CDH20: variants seen among roughly 807,000 people sequenced by gnomAD.
CDH20 encodes cadherin-20.
Under a neutral mutation model 74.2 loss-of-function variants are expected in CDH20, and 29 were observed. The ratio of observed to expected loss-of-function variants is 0.39; its 90% confidence interval spans 0.29 to 0.53. The LOEUF (loss-of-function observed/expected upper bound fraction) is 0.53. Ranked by LOEUF, CDH20 falls within the 20% of genes least tolerant of loss-of-function variation. The pLI is 0.69. For synonymous variants in CDH20, 469 were observed against 405.4 expected (o/e 1.16, Z -1.88); for missense variants, 988 against 1,048.3 (o/e 0.94, Z 0.79).
Position 61,554,568 on chromosome 18 carries a change from T to C in CDH20, c.2279T>C (p.Leu760Pro), listed in dbSNP as rs1286045999. 2 of 1,609,512 alleles carry C rather than the reference T, an allele frequency of 1.2e-6. No homozygotes were observed. Among genetic ancestry groups the C allele is most frequent in the African/African-American group, 1.3e-5 (1 of 75,004 alleles). The change falls in exon 12 of 12, where the codon CTG becomes CCG. Residue 760 changes from leucine to proline, a missense_variant. Physicochemically the swap from Leu to Pro is moderately conservative, Grantham distance 98. Around this residue, in one of 2 missense-constraint regions of CDH20, gnomAD observed 375 missense variants for 293.1 expected, o/e 1.28. Coordinates refer to ENST00000262717, the MANE Select transcript of CDH20 (RefSeq NM_031891.4). ...GGGGACGGCTCTGTGGCGGGGTCGCTGAGCTCCCTGCAGTCGGCCACGTCG... is the reference window on the plus strand; with the variant it reads ...GGGGACGGCTCTGTGGCGGGGTCGCCGAGCTCCCTGCAGTCGGCCACGTCG... ...FEGDGSVAGS[L>P]SSLQSATSDS...
chr18:61,348,893 G>A (rs1042439021), intron 1 of CDH20, among the ~76,000 whole-genome samples: 1 of 152,130 alleles, frequency 6.6e-6, no homozygotes, highest in African/African-American at 2.4e-5. Flanking sequence ...GTGTAGCTTT[G>A]TGGGGCAGTA....
chr18:61,437,806 T>C (rs1159951461), intron 1 of CDH20, among the ~76,000 whole-genome samples: 1 of 152,172 alleles, frequency 6.6e-6, no homozygotes, highest in Non-Finnish European at 1.5e-5. Context: ...TATGATTCCA[T>C]AAAACTATTC....
At chr18:61,397,946 G>A (rs1320279553) in intron 1 of CDH20, among the ~76,000 whole-genome samples, 1 of 152,198 alleles carries the variant, frequency 6.6e-6, no homozygotes, top group African/African-American at 2.4e-5. Context: ...TTTGTTGAAT[G>A]TAGGAATTCA....
chr18:61,466,925 C>G (rs1179644148), intron 1 of CDH20, among the ~76,000 whole-genome samples: 1 of 152,176 alleles, frequency 6.6e-6, no homozygotes, highest in Non-Finnish European at 1.5e-5. Context: ...AGCGCCCCAG[C>G]CATCCTTGCA....
At chr18:61,395,448 C>T (rs917562279) in intron 1 of CDH20, among the ~76,000 whole-genome samples, 4 of 152,100 alleles carry the variant, frequency 2.6e-5, no homozygotes, top group Non-Finnish European at 1.5e-5. Context: ...TCTTCTTGGT[C>T]GATGCCTTCC....
chr18:61,516,770 G>A (rs1311819827), intron 6 of CDH20, among the ~76,000 whole-genome samples: 2 of 152,150 alleles, frequency 1.3e-5, no homozygotes, highest in African/African-American at 4.8e-5. Context: ...AGTGGTTGCA[G>A]CTTCTTAGGA....
At chr18:61,524,238 T>C (rs1912308952) in intron 6 of CDH20, among the ~76,000 whole-genome samples, 2 of 152,050 alleles carry the variant, frequency 1.3e-5, no homozygotes, top group Non-Finnish European at 2.9e-5. Flanking sequence ...CAATCAGAAC[T>C]ACAATGAGAT....
chr18:61,418,336 C>T (rs1912760611), intron 1 of CDH20, among the ~76,000 whole-genome samples: 1 of 152,046 alleles, frequency 6.6e-6, no homozygotes, highest in Non-Finnish European at 1.5e-5. Flanking sequence ...GGGTGGATCA[C>T]AAGGTCAGGA....
intron 1 of CDH20, among the ~76,000 whole-genome samples, chr18:61,458,229 T>C (rs1222863379): frequency 6.6e-6 from 1 of 152,204 alleles, no homozygotes; most frequent in Non-Finnish European, 1.5e-5. Flanking sequence ...TGAAACATTC[T>C]GTAGTATTTA....
chr18:61,343,847 A>AAGCATATTTTATCCCT (rs1910032125), intron 1 of CDH20, among the ~76,000 whole-genome samples: 1 of 152,148 alleles, frequency 6.6e-6, no homozygotes, highest in African/African-American at 2.4e-5. Flanking sequence ...ATTTTATCCC[A>AAGCATATTTTATCCCT]AGGAAGCATA....
chr18:61,426,304 C>A (rs1049232832), intron 1 of CDH20, among the ~76,000 whole-genome samples: 2 of 151,982 alleles, frequency 1.3e-5, no homozygotes, highest in Non-Finnish European at 2.9e-5. Context: ...CAGTATACAA[C>A]CAACTCTCCC....
intron 1 of CDH20, among the ~76,000 whole-genome samples, chr18:61,371,236 G>T (rs1453185361): frequency 2.0e-5 from 3 of 152,120 alleles, no homozygotes; most frequent in South Asian, 4.1e-4. Flanking sequence ...GCTTTCACTT[G>T]TACCTGATGA....
Position 61,425,040 on chromosome 18 carries a change from C to CCTCTCTCTCTCTCT in CDH20, c.-152-65338_-152-65325dup, listed in dbSNP as rs10535853. Reference sequence around the variant, plus strand: ...TCCCTCTCTCTCCCACTTCCCCGCTCCTCTCTCTCTCTCTCTCTCTCTCTC... The same window carrying CCTCTCTCTCTCTCT: ...TCCCTCTCTCTCCCACTTCCCCGCTCCTCTCTCTCTCTCTCTCTCTCTCTCTCTCTCTCTCTCTC... On this transcript the variant is annotated intron_variant, in intron 1 of 11. Transcript: ENST00000262717. Among the ~76,000 whole-genome samples the CCTCTCTCTCTCTCT allele has an allele frequency of 4.5e-5, 6 of 134,750 alleles. No individual in the cohort carries two copies. The South Asian group carries it at 1.6e-3, about 35-fold the overall frequency. The allele number at this position is 134,750 out of a possible 152,430, so 88.4% of individuals were successfully genotyped here.
intron 1 of CDH20, among the ~76,000 whole-genome samples, chr18:61,416,234 C>T (rs992323524): frequency 2.6e-5 from 4 of 152,026 alleles, no homozygotes; most frequent in African/African-American, 9.7e-5. Context: ...TAGTTAAAAC[C>T]ATTTTTAAAA....
chr18:61,496,886 T>C (rs1218977803), intron 2 of CDH20, among the ~76,000 whole-genome samples: 1 of 152,100 alleles, frequency 6.6e-6, no homozygotes, highest in Non-Finnish European at 1.5e-5. Flanking sequence ...CCTATATGCA[T>C]ACGTATACAT....
At position 61,538,617 on chromosome 18, in the gene CDH20, T is replaced by G. The variant is rs1434514791; in HGVS notation, c.1409-407T>G. Among the ~76,000 whole-genome samples the G allele has an allele frequency of 4.2e-4, 22 of 52,168 alleles. 2 individuals carry two copies. The highest frequency in any genetic ancestry group is 1.7e-3 in the African/African-American group (21 of 12,364). 34.2% of individuals were successfully genotyped at this position (52,168 alleles called of 152,430 possible). On this transcript the variant is annotated intron_variant, in intron 8 of 11. Transcript: ENST00000262717. Reference sequence around the variant, plus strand: ...GTTTGTTTTTGTTTTTGTTTTTGTTTTTGTTTTGTTTTTTTTTTTGAGACG... The same window carrying G: ...GTTTGTTTTTGTTTTTGTTTTTGTTGTTGTTTTGTTTTTTTTTTTGAGACG...
chr18:61,507,222 T>C, intron 5 of CDH20, 151 bp from the exon 6 acceptor site: 7 of 679,086 alleles, frequency 1.0e-5, no homozygotes, highest in South Asian at 4.0e-5. Flanking sequence ...TCAGCCTTTC[T>C]GGACCTTAGT....
intron 1 of CDH20, among the ~76,000 whole-genome samples, chr18:61,419,714 C>T (rs1187609211): frequency 5.3e-5 from 8 of 152,038 alleles, no homozygotes; most frequent in Admixed American, 5.2e-4. Context: ...ATGATTTTCA[C>T]ACCTTCCACT....
intron 6 of CDH20, among the ~76,000 whole-genome samples, chr18:61,508,509 A>G (rs1330811154): frequency 9.7e-6 from 1 of 103,044 alleles, no homozygotes; most frequent in African/African-American, 3.8e-5. Context: ...CTAAATGCCC[A>G]TCAATCAAAG....
Sources: gnomAD v4.1 joint callset for allele counts (sites outside exome capture counted in the v4.1 genomes callset) on GRCh38, gnomAD v4.1.1 for gene constraint, gnomAD v4.1.1 regional missense constraint, MANE v1.5 for transcripts, NCBI Gene and HGNC (gene_info 2026-07-23, HGNC 2026-07-21) for gene names.